The following GET1 variants were observed in gnomAD, a reference collection of about 807,000 sequenced individuals.
The protein encoded by GET1 is congenital heart disease 5 protein.
A neutral mutation model predicts 22.6 loss-of-function variants in GET1; 20 were observed. The observed-to-expected ratio is 0.89, with a 90% CI of 0.62 to 1.29. GET1 has a LOEUF of 1.29. Among genes scored for constraint, GET1 ranks in the 50% most tolerant of loss-of-function variants. GET1 has a pLI of 0.00. For synonymous variants in GET1, 92 were observed against 83.8 expected (o/e 1.10, Z -0.53); for missense variants, 209 against 219.9 (o/e 0.95, Z 0.31).
intron 4 of GET1, among the ~76,000 whole-genome samples, chr21:39,405,063 C>T (rs1282511708): frequency 1.3e-5 from 2 of 151,190 alleles, no homozygotes; most frequent in South Asian, 4.2e-4. Context: ...AAACTCCTAA[C>T]CTCAGGTGAT....
chr21:39,400,468 G>A (rs2038812527), downstream of GET1, among the ~76,000 whole-genome samples: 1 of 152,164 alleles, frequency 6.6e-6, no homozygotes, highest in Non-Finnish European at 1.5e-5. Flanking sequence ...GTACCCAAGA[G>A]TATTTAACTC....
downstream of GET1, among the ~76,000 whole-genome samples, chr21:39,407,489 A>G (rs1431208529): frequency 1.3e-5 from 2 of 152,224 alleles, no homozygotes; most frequent in African/African-American, 4.8e-5. Flanking sequence ...ATAGACAAGG[A>G]TAAGTGCAAC....
chr21:39,403,162 C>T (rs2038880461), intron 4 of GET1, among the ~76,000 whole-genome samples: 1 of 152,154 alleles, frequency 6.6e-6, no homozygotes, highest in Non-Finnish European at 1.5e-5. Context: ...ACTATGTCAT[C>T]TCACTTAATT....
exon 5 of GET1, chr21:39,406,009 T>C: frequency 6.2e-7 from 1 of 1,614,246 alleles, no homozygotes. Context: ...ATGCGACTCC[T>C]TACTTTGCAA....
At chr21:39,396,303 G>A (rs549099633) in intron 4 of GET1, among the ~76,000 whole-genome samples, 46 of 152,296 alleles carry the variant, frequency 3.0e-4, no homozygotes, top group African/African-American at 1.0e-3. Flanking sequence ...CACTTTGGGA[G>A]GTCGGGGCGG....
At chr21:39,396,131 C>T (rs1336573452) in intron 4 of GET1, among the ~76,000 whole-genome samples, 1 of 152,170 alleles carries the variant, frequency 6.6e-6, no homozygotes, top group Non-Finnish European at 1.5e-5. Context: ...AATGGTGGCT[C>T]ACACCTGTAA....
intron 1 of GET1, among the ~76,000 whole-genome samples, chr21:39,382,395 C>T (rs1050538981): frequency 1.3e-5 from 2 of 152,166 alleles, no homozygotes; most frequent in Admixed American, 6.6e-5. Context: ...CCGAAACTCT[C>T]GCACTCATTA....
chr21:39,398,611 GTTT>G (rs111949013), downstream of GET1, among the ~76,000 whole-genome samples: 2 of 127,770 alleles, frequency 1.6e-5, no homozygotes, highest in African/African-American at 3.0e-5. Context: ...AAATTATACA[GTTT>G]TTTTTTTTTT....
At chr21:39,403,469 G>A (rs945423273) in intron 4 of GET1, among the ~76,000 whole-genome samples, 1 of 151,922 alleles carries the variant, frequency 6.6e-6, no homozygotes, top group African/African-American at 2.4e-5. Context: ...TGGGACTAAA[G>A]GCGCCGCCAC....
chr21:39,428,444 C>T (rs2075138784), exon 2 of GET1: 1 of 1,610,936 alleles, frequency 6.2e-7, no homozygotes, highest in South Asian at 1.1e-5. Flanking sequence ...TAATGCCACG[C>T]CGAAGAAATG....
intron 1 of GET1, among the ~76,000 whole-genome samples, chr21:39,383,441 C>G (rs1173083058): frequency 4.7e-5 from 7 of 150,184 alleles, no homozygotes; most frequent in African/African-American, 1.7e-4. Flanking sequence ...GCCACTATGC[C>G]CGGCTAATTT....
chr21:39,398,362 G>C (rs576996913), downstream of GET1, among the ~76,000 whole-genome samples: 43 of 152,292 alleles, frequency 2.8e-4, 1 homozygote, highest in Admixed American at 1.7e-3. Context: ...CGGCCATGTA[G>C]AGCGTGCCCA....
intron 1 of GET1, among the ~76,000 whole-genome samples, chr21:39,388,611 C>T (rs879942155): frequency 1.3e-5 from 2 of 152,228 alleles, no homozygotes; most frequent in Admixed American, 6.5e-5. Flanking sequence ...CATTGTGTCT[C>T]ATCCGCTGGT....
intron 4 of GET1, 132 bp from the exon 5 acceptor site, chr21:39,396,734 T>C: frequency 1.6e-6 from 1 of 618,126 alleles, no homozygotes; most frequent in South Asian, 2.4e-5. Context: ...CTATGAAACA[T>C]AAACTTCACT....
chr21:39,400,140 T>A (rs1210213783), downstream of GET1, among the ~76,000 whole-genome samples: 1 of 152,152 alleles, frequency 6.6e-6, no homozygotes, highest in Non-Finnish European at 1.5e-5. Context: ...TAGTTTTTCT[T>A]ACACAGTGCA....
intron 1 of GET1, chr21:39,411,830 CT>C (rs2040131780): frequency 7.8e-7 from 1 of 1,290,234 alleles, no homozygotes; most frequent in African/African-American, 1.5e-5. Context: ...ACCAATTTTT[CT>C]ATAAATGCTT....
downstream of GET1, among the ~76,000 whole-genome samples, chr21:39,408,261 C>T (rs2039453563): frequency 6.6e-6 from 1 of 152,162 alleles, no homozygotes; most frequent in African/African-American, 2.4e-5. Context: ...AGTGTAAGGG[C>T]AGAATAATGA....
chr21:39,388,300 C>T (rs1055849148), intron 1 of GET1, among the ~76,000 whole-genome samples: 2 of 152,094 alleles, frequency 1.3e-5, no homozygotes, highest in Admixed American at 6.5e-5. Context: ...CCCAGGAAGT[C>T]GAGGTTGCAG....
chr21:39,387,878 G>GA (rs2038026867), intron 1 of GET1: 2 of 970,930 alleles, frequency 2.1e-6, no homozygotes, highest in African/African-American at 3.6e-5. Flanking sequence ...GGGGAGGGGG[G>GA]GGGATCTGAT....
Sources: gnomAD v4.1 joint callset for allele counts (sites outside exome capture counted in the v4.1 genomes callset) on GRCh38, gnomAD v4.1.1 for gene constraint, MANE v1.5 for transcripts, NCBI Gene and HGNC (gene_info 2026-07-23, HGNC 2026-07-21) for gene names.